GNA14: variants seen among roughly 807,000 people sequenced by gnomAD.
GNA14 encodes the protein G protein subunit alpha 14, also known as guanine nucleotide-binding protein subunit alpha-14.
In GNA14, 50 loss-of-function variants were observed where a neutral mutation model predicts 42.0. The ratio of observed to expected loss-of-function variants is 1.19; its 90% CI spans 0.95 to 1.51. The LOEUF (loss-of-function observed/expected upper bound fraction) is 1.51, where lower values mean the gene tolerates loss of function less well. Among genes scored for constraint, GNA14 ranks in the 40% most tolerant of loss-of-function variants. GNA14 has a pLI of 0.00. For missense variants in GNA14, 473 were observed against 446.2 expected, an observed-to-expected ratio of 1.06 and a Z score of -0.54; for synonymous variants, 173 against 163.1, an observed-to-expected ratio of 1.06 and a Z score of -0.46.
At chr9:77,537,798 G>A (rs1051926775) in intron 1 of GNA14, among the ~76,000 whole-genome samples, 4 of 152,024 alleles carry the variant, frequency 2.6e-5, no homozygotes, top group Non-Finnish European at 4.4e-5. Context: ...ATCTCACTAT[G>A]GTTTTGATTT....
intron 2 of GNA14, among the ~76,000 whole-genome samples, chr9:77,476,861 CCTT>C (rs377388953): frequency 2.6e-5 from 4 of 152,274 alleles, no homozygotes; most frequent in African/African-American, 9.6e-5. Flanking sequence ...TTTCAAGGCT[CCTT>C]CTGGGTTAAA....
chr9:77,469,977 C>T (rs1298647490), intron 2 of GNA14, among the ~76,000 whole-genome samples: 3 of 152,092 alleles, frequency 2.0e-5, no homozygotes, highest in Admixed American at 6.6e-5. Flanking sequence ...TTTGGAAGGC[C>T]GTATGAGTGA....
chr9:77,636,275 A>G (rs7032434), intron 1 of GNA14, among the ~76,000 whole-genome samples: 2,769 of 152,310 alleles, frequency 0.018, 99 homozygotes, highest in African/African-American at 0.063. Flanking sequence ...TCTAATAATA[A>G]CTGACAACTG....
At chr9:77,552,729 T>G (rs1332021321) in intron 1 of GNA14, among the ~76,000 whole-genome samples, 4 of 152,162 alleles carry the variant, frequency 2.6e-5, no homozygotes. Context: ...AAGGATAAAT[T>G]TTAATATCAT....
chr9:77,591,197 G>A (rs2117887750), intron 1 of GNA14, among the ~76,000 whole-genome samples: 1 of 152,238 alleles, frequency 6.6e-6, no homozygotes, highest in Middle Eastern at 3.4e-3. Flanking sequence ...TACAGCAGGT[G>A]TTTTCCCTAC....
intron 1 of GNA14, among the ~76,000 whole-genome samples, chr9:77,639,929 C>T (rs1022082346): frequency 6.6e-6 from 1 of 152,190 alleles, no homozygotes; most frequent in African/African-American, 2.4e-5. Context: ...ACTTTAGAGC[C>T]CTTGGATTTC....
intron 2 of GNA14, among the ~76,000 whole-genome samples, chr9:77,445,072 G>T (rs1184925326): frequency 6.6e-6 from 1 of 152,194 alleles, no homozygotes; most frequent in Admixed American, 6.5e-5. Flanking sequence ...AACTGGGGAG[G>T]AGTGAAGGGA....
At chr9:77,504,537 A>T (rs1837030532) in intron 2 of GNA14, among the ~76,000 whole-genome samples, 1 of 103,270 alleles carries the variant, frequency 9.7e-6, no homozygotes, top group Non-Finnish European at 1.8e-5. Flanking sequence ...CCCTTTCTTT[A>T]AAAAAAAAAA....
intron 2 of GNA14, among the ~76,000 whole-genome samples, chr9:77,489,096 A>G (rs979171241): frequency 3.3e-5 from 5 of 152,180 alleles, no homozygotes; most frequent in African/African-American, 1.2e-4. Flanking sequence ...TAAAGAATCA[A>G]TCAAATCATG....
chr9:77,455,860 G>A (rs912816808), intron 2 of GNA14, among the ~76,000 whole-genome samples: 42 of 152,110 alleles, frequency 2.8e-4, no homozygotes, highest in Admixed American at 6.5e-5. Flanking sequence ...AAGTTTATGA[G>A]TACTTGTATC....
chr9:77,625,463 A>G (rs1587852775), intron 1 of GNA14, among the ~76,000 whole-genome samples: 1 of 152,302 alleles, frequency 6.6e-6, no homozygotes, highest in East Asian at 1.9e-4. Context: ...ATGAAGAAAA[A>G]AATGTTAAGG....
chr9:77,633,885 A>C lies in GNA14; in HGVS notation c.124+13785T>G, dbSNP rs1824137737. 2.6e-5 allele frequency among the ~76,000 whole-genome samples: 4 copies of C among 151,806 alleles called. No homozygotes were observed. The South Asian group carries it at 8.3e-4, about 32-fold the overall frequency. On this transcript the variant is annotated intron_variant, in intron 1 of 6. Coordinates refer to ENST00000341700, the MANE Select transcript of GNA14 (RefSeq NM_004297.4). ...CTCTACCTCAAACATGGTGAGAAAT[A>C]AATGAAATCACTGATTAAAGTACCC...
intron 1 of GNA14, among the ~76,000 whole-genome samples, chr9:77,613,877 G>T (rs147914218): frequency 6.1e-4 from 93 of 152,264 alleles, no homozygotes; most frequent in Non-Finnish European, 7.6e-4. Flanking sequence ...TGTTGGAAAT[G>T]AGAGGAACAT....
At position 77,529,066 on chromosome 9, in the gene GNA14, T is replaced by TAC. The variant is rs1837485725; in HGVS notation, c.309+1_309+2dup. Reference sequence around the variant, plus strand: ...TAGGGCAAGCACTCCCTAAGCACGTTACCTTATTCTGTTCACACACATACT... The same window carrying TAC: ...TAGGGCAAGCACTCCCTAAGCACGTTACACCTTATTCTGTTCACACACATACT... On this transcript the variant is annotated splice_region_variant and intron_variant, in intron 2 of 6. Coordinates refer to ENST00000341700, the MANE Select transcript of GNA14 (RefSeq NM_004297.4). 1 of 1,613,568 alleles carries TAC rather than the reference T, an allele frequency of 6.2e-7. No homozygotes were observed. The highest frequency in any genetic ancestry group is 1.7e-5 in the Admixed American group (1 of 60,006).
At chr9:77,480,643 A>C (rs146796509) in intron 2 of GNA14, among the ~76,000 whole-genome samples, 2,419 of 152,270 alleles carry the variant, frequency 0.016, 26 homozygotes, top group Non-Finnish European at 0.026. Flanking sequence ...CTCCTTGTAC[A>C]TCTGGTAGAA....
At chr9:77,538,970 T>G (rs918289981) in intron 1 of GNA14, among the ~76,000 whole-genome samples, 3 of 152,216 alleles carry the variant, frequency 2.0e-5, no homozygotes, top group African/African-American at 7.2e-5. Context: ...ACAATTTGAC[T>G]TCCTCTTTTC....
chr9:77,643,240 A>ATTTT (rs113345502), intron 1 of GNA14, among the ~76,000 whole-genome samples: 1 of 137,330 alleles, frequency 7.3e-6, no homozygotes, highest in Admixed American at 7.3e-5. Flanking sequence ...AGGTGTTGTC[A>ATTTT]TTTTTTTTTT....
Position 77,617,767 on chromosome 9 carries a change from A to T in GNA14, c.124+29903T>A, listed in dbSNP as rs190056490. ...TTCCTGTTCTTCCTCAAACCCACCA[A>T]GCCCATTTCCACCTCAGGCTGTCTC... is the stretch of plus-strand genomic sequence containing the variant. On this transcript the variant is annotated intron_variant, in intron 1 of 6. Coordinates refer to ENST00000341700, the MANE Select transcript of GNA14 (RefSeq NM_004297.4). 5.3e-5 allele frequency among the ~76,000 whole-genome samples: 8 copies of T among 152,070 alleles called. No individual in the cohort carries two copies. The East Asian group carries it at 1.5e-3, about 29-fold the overall frequency.
chr9:77,501,309 A>G (rs1587802651), intron 2 of GNA14, among the ~76,000 whole-genome samples: 1 of 152,174 alleles, frequency 6.6e-6, no homozygotes, highest in East Asian at 1.9e-4. Context: ...GTACCATTTT[A>G]CATTCCTGCC....
Sources: allele counts gnomAD v4.1 joint callset (sites outside exome capture counted in the v4.1 genomes callset), GRCh38; gene constraint gnomAD v4.1.1; transcripts MANE v1.5; gene names NCBI Gene and HGNC (gene_info 2026-07-23, HGNC 2026-07-21).